SEMA3A: variants seen among roughly 807,000 people sequenced by gnomAD.
SEMA3A encodes the protein semaphorin 3A, also known as semaphorin-3A.
In SEMA3A, 29 loss-of-function variants were observed where a neutral mutation model predicts 97.9. The ratio of observed to expected loss-of-function variants is 0.30; its 90% confidence interval spans 0.22 to 0.40. SEMA3A has a LOEUF of 0.40. Ranked by LOEUF, SEMA3A falls within the 10% of genes least tolerant of loss-of-function variation. SEMA3A has a pLI of 1.00. For missense variants in SEMA3A, 763 were observed against 951.3 expected, an observed-to-expected ratio of 0.80 and a Z score of 2.60; for synonymous variants, 321 against 323.7, an observed-to-expected ratio of 0.99 and a Z score of 0.09.
chr7:84,093,076 G>A (rs1034168757), intron 4 of SEMA3A, among the ~76,000 whole-genome samples: 10 of 152,006 alleles, frequency 6.6e-5, no homozygotes, highest in Admixed American at 1.3e-4. Flanking sequence ...GAGATACTAC[G>A]TTTTATTTTT....
In SEMA3A at chr7:84,154,682, A is replaced by G. The variant is rs1796784044; in HGVS notation, c.113-19731T>C. The stretch of plus-strand genomic sequence containing the variant: ...CAGAGCAAGACTTAGTCTCAGGGAA[A>G]AAAAAAAACAAAAAAAAAAAACAAA... On this transcript the variant is annotated intron_variant, in intron 1 of 16. Coordinates refer to ENST00000265362, the MANE Select transcript of SEMA3A (RefSeq NM_006080.3). 4.8e-5 allele frequency among the ~76,000 whole-genome samples: 7 copies of G among 144,436 alleles called. No individual in the cohort carries two copies. The South Asian group carries it at 1.5e-3, about 32-fold the overall frequency. The allele number at this position is 144,436 out of a possible 152,430, so 94.8% of individuals were successfully genotyped here. A position where few individuals can be genotyped will look rare whatever the true frequency, so the allele number is the denominator to read the frequency against.
chr7:84,463,189 T>C (rs955093410), intron 1 of SEMA3A, among the ~76,000 whole-genome samples: 2 of 151,328 alleles, frequency 1.3e-5, no homozygotes, highest in African/African-American at 2.4e-5. Context: ...GCAATAATTG[T>C]TCAAAGATTT....
At chr7:84,179,844 G>A (rs1797684125) in intron 1 of SEMA3A, among the ~76,000 whole-genome samples, 2 of 149,688 alleles carry the variant, frequency 1.3e-5, no homozygotes, top group African/African-American at 2.5e-5. Context: ...GAGTTACCCC[G>A]GACCCCTATA....
intron 5 of SEMA3A, among the ~76,000 whole-genome samples, chr7:84,047,894 C>T (rs1273886380): frequency 6.6e-6 from 1 of 151,606 alleles, no homozygotes; most frequent in Non-Finnish European, 1.5e-5. Flanking sequence ...CAAAGCAATT[C>T]CTTTGGTAGA....
At chr7:84,312,869 GTT>G (rs1243979593) in intron 2 of SEMA3A, among the ~76,000 whole-genome samples, 4 of 46,260 alleles carry the variant, frequency 8.6e-5, no homozygotes, top group Admixed American at 3.7e-4. Context: ...TTTTGGTGTT[GTT>G]TTATATATAT....
chr7:84,401,000 A>G (rs1328448441), intron 1 of SEMA3A, among the ~76,000 whole-genome samples: 1 of 152,002 alleles, frequency 6.6e-6, no homozygotes, highest in Non-Finnish European at 1.5e-5. Context: ...TATTAAATAT[A>G]GTACTAGAAG....
chr7:84,076,612 A>G (rs76989473), intron 4 of SEMA3A, among the ~76,000 whole-genome samples: 4,104 of 152,262 alleles, frequency 0.027, 75 homozygotes, highest in Non-Finnish European at 0.043. Context: ...TGAATTTACC[A>G]TGACAGATAA....
At chr7:84,121,437 C>A (rs1795612659) in intron 3 of SEMA3A, among the ~76,000 whole-genome samples, 1 of 150,986 alleles carries the variant, frequency 6.6e-6, no homozygotes, top group Non-Finnish European at 1.5e-5. Flanking sequence ...GTTCAATTCC[C>A]ACCTATGAGT....
At position 84,250,559 on chromosome 7, in the gene SEMA3A, T is replaced by C. The variant is rs867067697; in HGVS notation, c.-82-55891A>G. ...TGTGTGGGACCATGTGAGGTCTGCT[T>C]TAGCCTGCTGGGAGTTGAGAGGAGG... is the stretch of plus-strand genomic sequence containing the variant. On this transcript the variant is annotated intron_variant, in intron 3 of 3. Transcript: ENST00000424555. 2.8e-4 allele frequency among the ~76,000 whole-genome samples: 42 copies of C among 152,282 alleles called. No homozygotes were observed. The Middle Eastern group carries it at 0.014, about 49-fold the overall frequency.
chr7:84,217,688 T>C (rs1156264416), intron 3 of SEMA3A, among the ~76,000 whole-genome samples: 3 of 151,928 alleles, frequency 2.0e-5, no homozygotes, highest in Admixed American at 6.6e-5. Context: ...AAGAGTTCAA[T>C]AGTTCAAGAC....
intron 4 of SEMA3A, among the ~76,000 whole-genome samples, chr7:84,086,519 T>TATAATGTATTATTATATTATATTTAC (rs1562770137): frequency 2.7e-5 from 2 of 73,096 alleles, no homozygotes; most frequent in Non-Finnish European, 6.8e-5. Context: ...ATTATATTTA[T>TATAATGTATTATTATATTATATTTAC]ATATAATATA....
chr7:84,385,253 T>G (rs1803368659), intron 1 of SEMA3A, among the ~76,000 whole-genome samples: 1 of 152,286 alleles, frequency 6.6e-6, no homozygotes, highest in South Asian at 2.1e-4. Context: ...GCTCCTCCAC[T>G]GAGCCTAGAT....
chr7:84,046,677 T>A (rs1320922366), intron 5 of SEMA3A, among the ~76,000 whole-genome samples: 2 of 152,062 alleles, frequency 1.3e-5, no homozygotes, highest in Admixed American at 6.6e-5. Flanking sequence ...TGACTACTTA[T>A]CTAGTACTTA....
intron 6 of SEMA3A, among the ~76,000 whole-genome samples, chr7:84,027,805 A>C (rs1791602640): frequency 6.6e-6 from 1 of 152,000 alleles, no homozygotes; most frequent in South Asian, 2.1e-4. Context: ...CTCACTCATA[A>C]AGTGAGAATT....
At chr7:84,361,491 C>A (rs533500334) in intron 2 of SEMA3A, among the ~76,000 whole-genome samples, 2 of 151,926 alleles carry the variant, frequency 1.3e-5, no homozygotes, top group African/African-American at 4.8e-5. Flanking sequence ...GTTTATAATG[C>A]AAATAAATAT....
At chr7:84,381,516 C>T (rs1803259093) in intron 1 of SEMA3A, among the ~76,000 whole-genome samples, 1 of 152,178 alleles carries the variant, frequency 6.6e-6, no homozygotes, top group African/African-American at 2.4e-5. Flanking sequence ...GGCCTTCAGA[C>T]ATCAAAACAT....
intron 5 of SEMA3A, among the ~76,000 whole-genome samples, chr7:84,049,408 G>T (rs1469439687): frequency 3.3e-5 from 5 of 152,022 alleles, no homozygotes; most frequent in Non-Finnish European, 5.9e-5. Flanking sequence ...GATAAGGTAT[G>T]ACATCTTTGT....
intron 2 of SEMA3A, among the ~76,000 whole-genome samples, chr7:84,351,120 A>G (rs751424418): frequency 6.6e-6 from 1 of 152,030 alleles, no homozygotes; most frequent in South Asian, 2.1e-4. Flanking sequence ...ACACTAGAAC[A>G]TATTTTTGAG....
intron 15 of SEMA3A, among the ~76,000 whole-genome samples, chr7:83,967,876 A>G (rs1418676360): frequency 1.3e-5 from 2 of 152,224 alleles, no homozygotes; most frequent in African/African-American, 2.4e-5. Context: ...ACATTGTATA[A>G]TGATCAAATC....
Sources: allele counts gnomAD v4.1 joint callset (sites outside exome capture counted in the v4.1 genomes callset), GRCh38; gene constraint gnomAD v4.1.1; transcripts MANE v1.5; gene names NCBI Gene and HGNC (gene_info 2026-07-23, HGNC 2026-07-21).